RCHY1: variants seen among roughly 807,000 people sequenced by gnomAD.
The protein encoded by RCHY1 is ring finger and CHY zinc finger domain containing 1, also known as RING finger and CHY zinc finger domain-containing protein 1.
Under a neutral mutation model 41.6 loss-of-function variants are expected in RCHY1, and 21 were observed. The ratio of observed to expected loss-of-function variants is 0.51; its 90% confidence interval spans 0.36 to 0.73. RCHY1 has a LOEUF of 0.73. RCHY1 is among the 30% of genes least tolerant of loss of function. The pLI, the probability that RCHY1 is intolerant of heterozygous loss-of-function variation, is 0.00. For missense variants in RCHY1, 265 were observed against 325.3 expected (o/e 0.81, Z 1.43); for synonymous variants, 79 against 102.9 (o/e 0.77, Z 1.41).
intron 8 of RCHY1, among the ~76,000 whole-genome samples, chr4:75,484,132 C>T (rs992074028): frequency 2.6e-5 from 4 of 152,120 alleles, no homozygotes; most frequent in South Asian, 2.1e-4. Context: ...TAAGGTTTTG[C>T]TTCAAACAGC....
rs1366455919 is a variant in RCHY1 at position 75,485,310 on chromosome 4, GTTAAATTTTTAAAAACGA to G, written c.658-2662_658-2645del. Among the ~76,000 whole-genome samples the G allele has an allele frequency of 7.2e-5, 11 of 152,288 alleles. No homozygotes were observed. The South Asian group carries it at 2.3e-3, about 32-fold the overall frequency. ...CAGTAATTTTAGCTAAGAAACAGTA[GTTAAATTTTTAAAAACGA>G]TCTATGGAACTAAAGTATACCTTTC... On this transcript the variant is annotated intron_variant, in intron 8 of 8. Coordinates refer to ENST00000324439, the MANE Select transcript of RCHY1 (RefSeq NM_015436.4).
At position 75,494,150 on chromosome 4, in the gene RCHY1, C is replaced by T; in HGVS notation, c.356G>A (p.Cys119Tyr). The T allele has an allele frequency of 1.9e-6, 3 of 1,565,640 alleles. No individual in the cohort carries two copies. Among genetic ancestry groups the T allele is most frequent in the Non-Finnish European group, 2.6e-6 (3 of 1,162,600 alleles). Reference sequence around the variant, plus strand: ...AGCTAGGCATAAGTTACATTTCAAACAATGGAAAAAATCTTCCTTTGGACC... The same window carrying T: ...AGCTAGGCATAAGTTACATTTCAAATAATGGAAAAAATCTTCCTTTGGACC... ...RIGPKEDFFH[C>Y]LKCNLCLAMN... The change falls in exon 4 of 9, where the codon TGT (cysteine) becomes TAT (tyrosine). Residue 119 changes from cysteine to tyrosine, a missense_variant. Coordinates refer to ENST00000324439, the MANE Select transcript of RCHY1 (RefSeq NM_015436.4).
At chr4:75,512,902 AGGGGG>A (rs33923711) in intron 1 of RCHY1, among the ~76,000 whole-genome samples, 67 of 96,600 alleles carry the variant, frequency 6.9e-4, no homozygotes, top group Admixed American at 4.2e-3. Flanking sequence ...CTGGTATTTA[AGGGGG>A]GGGGGGGGGC....
intron 8 of RCHY1, among the ~76,000 whole-genome samples, chr4:75,489,620 ACTGGAAGGC>A (rs1189852732): frequency 2.0e-5 from 3 of 152,154 alleles, no homozygotes; most frequent in African/African-American, 7.2e-5. Context: ...CGAAATAATC[ACTGGAAGGC>A]CTGTATACCT....
chr4:75,486,681 T>C (rs1291302014), intron 8 of RCHY1, among the ~76,000 whole-genome samples: 2 of 152,060 alleles, frequency 1.3e-5, no homozygotes, highest in African/African-American at 4.8e-5. Context: ...CAAGATATAC[T>C]TTTGGTAAGA....
rs1721580945 is a variant in RCHY1 at position 75,482,283 on chromosome 4, G to A, written c.*255C>T. 1 of 257,154 alleles carries A rather than the reference G, an allele frequency of 3.9e-6. No homozygotes were observed. Among genetic ancestry groups the A allele is most frequent in the Non-Finnish European group, 7.3e-6 (1 of 137,196 alleles). 15.9% of individuals were successfully genotyped at this position (257,154 alleles called of 1,614,324 possible). On this transcript the variant is annotated 3_prime_UTR_variant, in exon 9 of 9. Transcript: ENST00000324439. The stretch of plus-strand genomic sequence containing the variant: ...GAATGTATCAGTGGCAAACATCATT[G>A]GCTTCCAAAAAACTGACACTAAAGG...
At chr4:75,506,747 A>G (rs1166855936) in intron 3 of RCHY1, among the ~76,000 whole-genome samples, 7 of 152,084 alleles carry the variant, frequency 4.6e-5, no homozygotes, top group Non-Finnish European at 1.0e-4. Context: ...ACTGGCCAAA[A>G]ATATTTCAAA....
At chr4:75,483,372 T>C (rs1321545953) in intron 8 of RCHY1, among the ~76,000 whole-genome samples, 4 of 152,180 alleles carry the variant, frequency 2.6e-5, no homozygotes, top group Non-Finnish European at 5.9e-5. Context: ...AAATTATAAT[T>C]TGGAAAATAA....
intron 3 of RCHY1, among the ~76,000 whole-genome samples, chr4:75,506,557 T>C (rs1420303963): frequency 6.6e-6 from 1 of 151,342 alleles, no homozygotes; most frequent in South Asian, 2.1e-4. Flanking sequence ...GCAGATTCAA[T>C]GCAGCAGAAG....
chr4:75,486,781 C>T (rs533471260), intron 8 of RCHY1, among the ~76,000 whole-genome samples: 2 of 152,148 alleles, frequency 1.3e-5, no homozygotes, highest in South Asian at 4.1e-4. Context: ...GAGTTTGAGA[C>T]CAGCCTGGCC....
intron 7 of RCHY1, chr4:75,491,214 G>T: frequency 6.0e-6 from 1 of 166,530 alleles, no homozygotes; most frequent in Non-Finnish European, 1.3e-5. Context: ...TAAAGTCTTA[G>T]CTTTAATGAT....
chr4:75,485,453 A>G (rs530631872), intron 8 of RCHY1, among the ~76,000 whole-genome samples: 46 of 152,328 alleles, frequency 3.0e-4, no homozygotes, highest in Non-Finnish European at 5.6e-4. Context: ...GTGTCTGTGT[A>G]CATTAGGAAC....
In RCHY1 at chr4:75,487,811, A is replaced by AATATATATATTCAT. The variant is rs1343112490; in HGVS notation, c.657+2769_657+2770insATGAATATATATAT. 1.7e-3 allele frequency among the ~76,000 whole-genome samples: 73 copies of AATATATATATTCAT among 43,310 alleles called. 2 individuals carry two copies. The highest frequency in any genetic ancestry group is 8.4e-3 in the African/African-American group (67 of 8,008). The allele number at this position is 43,310 out of a possible 152,430, so 28.4% of individuals were successfully genotyped here. A position where few individuals can be genotyped will look rare whatever the true frequency, so the allele number is the denominator to read the frequency against. On this transcript the variant is annotated intron_variant, in intron 8 of 8. Coordinates refer to ENST00000324439, the MANE Select transcript of RCHY1 (RefSeq NM_015436.4). ...TATATATATTCATATATATATTCAT[A>AATATATATATTCAT]ATATATATTCATAATATATATATTC...
At position 75,481,787 on chromosome 4, in the gene RCHY1, CTT is replaced by C. The variant is rs746784335; in HGVS notation, c.*749_*750del. The C allele has an allele frequency of 3.3e-5, 5 of 152,104 alleles. No homozygotes were observed. Among genetic ancestry groups the C allele is most frequent in the African/African-American group, 1.2e-4 (5 of 41,420 alleles). 9.4% of individuals were successfully genotyped at this position (152,104 alleles called of 1,614,324 possible). A position where few individuals can be genotyped will look rare whatever the true frequency, so the allele number is the denominator to read the frequency against. ...TTGCTAAATGAAGGAATGAATGACT[CTT>C]TGAAGAAATAATTTTGGGCAACCTA... is the stretch of plus-strand genomic sequence containing the variant. On this transcript the variant is annotated 3_prime_UTR_variant, in exon 9 of 9. Coordinates refer to ENST00000324439, the MANE Select transcript of RCHY1 (RefSeq NM_015436.4).
At chr4:75,495,342 A>G (rs537411014) in intron 3 of RCHY1, among the ~76,000 whole-genome samples, 2 of 152,004 alleles carry the variant, frequency 1.3e-5, no homozygotes, top group African/African-American at 4.8e-5. Context: ...TCTTTAATCC[A>G]TTTGAAATTT....
At chr4:75,510,310 G>C in intron 1 of RCHY1, among the ~76,000 whole-genome samples, 1 of 152,126 alleles carries the variant, frequency 6.6e-6, no homozygotes, top group Non-Finnish European at 1.5e-5. Context: ...ACTCGCCTTG[G>C]AATTGTTAAA....
intron 3 of RCHY1, among the ~76,000 whole-genome samples, chr4:75,504,999 T>A (rs140695710): frequency 6.6e-5 from 10 of 152,210 alleles, no homozygotes; most frequent in Non-Finnish European, 1.2e-4. Flanking sequence ...ACCTACTGTA[T>A]ATACGGCAGC....
chr4:75,514,390 A>T lies in RCHY1; in HGVS notation c.-104T>A, dbSNP rs1487020513. 4 of 1,328,720 alleles carry T rather than the reference A, an allele frequency of 3.0e-6. No homozygotes were observed. The highest frequency in any genetic ancestry group is 4.1e-6 in the Non-Finnish European group (4 of 980,428). 82.3% of individuals were successfully genotyped at this position (1,328,720 alleles called of 1,614,324 possible). A position where few individuals can be genotyped will look rare whatever the true frequency, so the allele number is the denominator to read the frequency against. ...CACACCCCTCCCAGCCCCAGCGGCC[A>T]CTAGCGACAATATGGCTCCTAAGCA... is the stretch of plus-strand genomic sequence containing the variant. On this transcript the variant is annotated 5_prime_UTR_variant, in exon 1 of 9. Transcript: ENST00000324439.
At position 75,479,929 on chromosome 4, in the gene RCHY1, TGAGA is replaced by T. The variant is rs894404982; in HGVS notation, c.*2605_*2608del. 1 of 152,148 alleles carries T rather than the reference TGAGA, an allele frequency of 6.6e-6. No individual in the cohort carries two copies. Among genetic ancestry groups the T allele is most frequent in the African/African-American group, 2.4e-5 (1 of 41,442 alleles). 9.4% of individuals were successfully genotyped at this position (152,148 alleles called of 1,614,324 possible). A position where few individuals can be genotyped will look rare whatever the true frequency, so the allele number is the denominator to read the frequency against. On this transcript the variant is annotated 3_prime_UTR_variant, in exon 9 of 9. Coordinates refer to ENST00000324439, the MANE Select transcript of RCHY1 (RefSeq NM_015436.4). ...AGTTCTCTCTGAAAGAAGGGATTGT[TGAGA>T]GTTTTTTACCTTCTTTCTTATAGAG...
Sources: allele counts gnomAD v4.1 joint callset (sites outside exome capture counted in the v4.1 genomes callset), GRCh38; gene constraint gnomAD v4.1.1; transcripts MANE v1.5; gene names NCBI Gene and HGNC (gene_info 2026-07-23, HGNC 2026-07-21).